The following LCLAT1 variants were observed in gnomAD, a reference collection of about 807,000 sequenced individuals.
LCLAT1 encodes the protein 1-AGP acyltransferase 8.
In LCLAT1, 11 loss-of-function variants were observed where a neutral mutation model predicts 30.7. The observed-to-expected ratio is 0.36, with a 90% CI of 0.23 to 0.59. LCLAT1 has a LOEUF of 0.59. Among genes scored for constraint, LCLAT1 ranks in the 20% least tolerant of loss-of-function variants. The pLI is 0.77. For missense variants in LCLAT1, 402 were observed against 458.6 expected, an observed-to-expected ratio of 0.88 and a Z score of 1.13; for synonymous variants, 155 against 151.3, an observed-to-expected ratio of 1.02 and a Z score of -0.18.
Position 30,468,532 on chromosome 2 carries a change from T to A in LCLAT1, c.-5+21149T>A, listed in dbSNP as rs571077960. On this transcript the variant is annotated intron_variant, in intron 1 of 5. Coordinates refer to ENST00000379509, the MANE Select transcript of LCLAT1 (RefSeq NM_001002257.3). ...ATTTGATATATATCTGTTTTTTTTTTAATTGAGGTGAAATTTACTGTACAA... is the reference window on the plus strand; with the variant it reads ...ATTTGATATATATCTGTTTTTTTTTAAATTGAGGTGAAATTTACTGTACAA... Among the ~76,000 whole-genome samples the A allele has an allele frequency of 7.0e-3, 1,053 of 150,048 alleles. 17 individuals carry two copies. The highest frequency in any genetic ancestry group is 0.024 in the African/African-American group (963 of 40,442).
intron 3 of LCLAT1, among the ~76,000 whole-genome samples, chr2:30,557,265 C>T (rs1664964131): frequency 6.9e-6 from 1 of 145,782 alleles, no homozygotes; most frequent in Non-Finnish European, 1.5e-5. Flanking sequence ...CATTGTAGGA[C>T]AGTGTAGAAG....
At chr2:30,522,534 C>G (rs373927393) in intron 1 of LCLAT1, among the ~76,000 whole-genome samples, 2 of 152,130 alleles carry the variant, frequency 1.3e-5, no homozygotes, top group Admixed American at 1.3e-4. Context: ...ATGGAGAGAC[C>G]ATCAGATTTG....
At chr2:30,487,505 G>A (rs1336518163) in intron 1 of LCLAT1, among the ~76,000 whole-genome samples, 3 of 152,096 alleles carry the variant, frequency 2.0e-5, no homozygotes, top group Non-Finnish European at 4.4e-5. Context: ...CTGGGCCCTG[G>A]GGGGTACAGC....
rs369676231 is a variant in LCLAT1 at position 30,463,074 on chromosome 2, G to A, written c.-5+15691G>A. On this transcript the variant is annotated intron_variant, in intron 1 of 5. Transcript: ENST00000379509. ...TTGCTCAGGAGTTCAACACCAGTTT[G>A]GGCAACATAGCAAGATCCTCTCTCT... Among the ~76,000 whole-genome samples the A allele has an allele frequency of 5.3e-5, 8 of 151,948 alleles. No individual in the cohort carries two copies. The East Asian group carries it at 1.2e-3, about 22-fold the overall frequency.
chr2:30,448,469 T>G (rs1681378399), intron 1 of LCLAT1, among the ~76,000 whole-genome samples: 1 of 152,256 alleles, frequency 6.6e-6, no homozygotes, highest in Admixed American at 6.5e-5. Context: ...TAACTGACTT[T>G]TGTTTTTGGT....
chr2:30,633,739 G>C (rs1668880338), intron 5 of LCLAT1, among the ~76,000 whole-genome samples: 2 of 152,156 alleles, frequency 1.3e-5, no homozygotes, highest in Admixed American at 6.5e-5. Flanking sequence ...GCATATATTT[G>C]ATTGTGGAAT....
At chr2:30,501,523 A>G (rs1376344328) in intron 1 of LCLAT1, among the ~76,000 whole-genome samples, 2 of 152,140 alleles carry the variant, frequency 1.3e-5, no homozygotes. Flanking sequence ...ACAAAAAAAA[A>G]AATTAGTTGG....
intron 5 of LCLAT1, among the ~76,000 whole-genome samples, chr2:30,630,574 AAAGT>A (rs1295909978): frequency 1.1e-4 from 16 of 152,370 alleles, no homozygotes; most frequent in African/African-American, 9.6e-5. Flanking sequence ...TCACATGAAA[AAAGT>A]AAGTGATAAT....
intron 1 of LCLAT1, among the ~76,000 whole-genome samples, chr2:30,461,113 G>C (rs1419929659): frequency 6.6e-6 from 1 of 152,194 alleles, no homozygotes; most frequent in Non-Finnish European, 1.5e-5. Context: ...GGGAATCTCT[G>C]AATTTGTAGC....
chr2:30,635,685 A>C (rs1372264956), intron 5 of LCLAT1, among the ~76,000 whole-genome samples: 3 of 152,208 alleles, frequency 2.0e-5, no homozygotes, highest in Non-Finnish European at 4.4e-5. Flanking sequence ...CCAAGTTGGA[A>C]AGAAAAAAAA....
At chr2:30,637,457 T>A (rs1281747325) in intron 5 of LCLAT1, among the ~76,000 whole-genome samples, 1 of 152,140 alleles carries the variant, frequency 6.6e-6, no homozygotes, top group Non-Finnish European at 1.5e-5. Flanking sequence ...CCTTTCAGCA[T>A]GTAAATTCCC....
intron 5 of LCLAT1, among the ~76,000 whole-genome samples, chr2:30,619,985 A>G (rs1196430635): frequency 6.6e-6 from 1 of 152,178 alleles, no homozygotes; most frequent in East Asian, 1.9e-4. Flanking sequence ...GTAAGTTAAA[A>G]TTGTTGTTGC....
chr2:30,592,372 C>T (rs749862928), intron 5 of LCLAT1, among the ~76,000 whole-genome samples: 3 of 151,966 alleles, frequency 2.0e-5, no homozygotes, highest in Non-Finnish European at 2.9e-5. Context: ...CCCAGCTACA[C>T]GGGAGGTTGA....
chr2:30,635,166 G>A (rs1022664681), intron 5 of LCLAT1, among the ~76,000 whole-genome samples: 1 of 151,992 alleles, frequency 6.6e-6, no homozygotes, highest in East Asian at 1.9e-4. Flanking sequence ...TTGGGAGAAT[G>A]AAGTGGGAGG....
At chr2:30,470,018 A>G (rs1682694991) in intron 1 of LCLAT1, among the ~76,000 whole-genome samples, 1 of 152,192 alleles carries the variant, frequency 6.6e-6, no homozygotes, top group African/African-American at 2.4e-5. Flanking sequence ...GGCATGAGTC[A>G]CCACGCCCAG....
chr2:30,564,129 G>C (rs950972056), intron 4 of LCLAT1, among the ~76,000 whole-genome samples: 2 of 151,938 alleles, frequency 1.3e-5, no homozygotes, highest in African/African-American at 2.4e-5. Flanking sequence ...ATTATCATTA[G>C]GAAATTATAA....
In LCLAT1 at chr2:30,568,131, C is replaced by G; in HGVS notation, c.583C>G (p.Pro195Ala). The change falls in exon 5 of 6, where the codon CCA (proline) becomes GCA (alanine). Residue 195 changes from proline (P) to alanine (A), a missense_variant. Physicochemically the swap from Pro to Ala is conservative, Grantham distance 27. Transcript: ENST00000379509. ...GLQKYEYVLH[P>A]RTTGFTFVVD... The stretch of plus-strand genomic sequence containing the variant: ...TCAGAAATATGAATATGTTTTACAT[C>G]CAAGAACTACAGGCTTTACTTTTGT... 6.2e-7 allele frequency: 1 copy of G among 1,607,604 alleles called. No homozygotes were observed. Among genetic ancestry groups the G allele is most frequent in the Non-Finnish European group, 8.5e-7 (1 of 1,176,214 alleles).
chr2:30,492,634 T>C (rs1683891619), intron 1 of LCLAT1, among the ~76,000 whole-genome samples: 1 of 152,150 alleles, frequency 6.6e-6, no homozygotes, highest in South Asian at 2.1e-4. Context: ...GAGTTACTGC[T>C]TATGTGATGG....
intron 5 of LCLAT1, among the ~76,000 whole-genome samples, chr2:30,617,276 G>T (rs1210629354): frequency 6.6e-6 from 1 of 152,096 alleles, no homozygotes; most frequent in Non-Finnish European, 1.5e-5. Context: ...TCATATAAAT[G>T]GAATTATATA....
Sources: allele counts gnomAD v4.1 joint callset (sites outside exome capture counted in the v4.1 genomes callset), GRCh38; gene constraint gnomAD v4.1.1; transcripts MANE v1.5; gene names NCBI Gene and HGNC (gene_info 2026-07-23, HGNC 2026-07-21).